The following CROCC variants were observed in gnomAD, a reference collection of about 807,000 sequenced individuals.
CROCC encodes rootletin.
In CROCC, 180 loss-of-function variants were observed where a neutral mutation model predicts 245.2. The observed-to-expected ratio is 0.73, with a 90% CI of 0.65 to 0.83. CROCC has a LOEUF of 0.83. Among genes scored for constraint, CROCC ranks in the 40% least tolerant of loss-of-function variants. The pLI is 0.00. For synonymous variants in CROCC, 1,205 were observed against 1,241.6 expected, an observed-to-expected ratio of 0.97 and a Z score of 0.62; for missense variants, 2,688 against 2,779.4, an observed-to-expected ratio of 0.97 and a Z score of 0.74.
chr1:16,962,735 TA>T (rs1369681320), intron 27 of CROCC, among the ~76,000 whole-genome samples: 50 of 147,406 alleles, frequency 3.4e-4, no homozygotes, highest in Admixed American at 5.4e-4. Flanking sequence ...TATATATGTA[TA>T]TTTTTTTTTT....
At position 16,931,332 on chromosome 1, in the gene CROCC, C is replaced by A; in HGVS notation, c.891C>A (p.Leu297=). The A allele has an allele frequency of 6.2e-7, 1 of 1,612,834 alleles. No individual in the cohort carries two copies. The highest frequency in any genetic ancestry group is 8.5e-7 in the Non-Finnish European group (1 of 1,179,138). The change falls in exon 8 of 37, where the codon CTC becomes CTA. Residue 297 remains leucine (L), a synonymous_variant. Coordinates refer to ENST00000375541, the MANE Select transcript of CROCC (RefSeq NM_014675.5). The part of the protein sequence containing the change: ...AYFSNEHSRL[L]LLWRQVVGFR... ...TCAGCAACGAGCACAGTCGCCTGCT[C>A]CTCCTCTGGAGGCAGGTGGTGGGGT...
upstream of CROCC, chr1:16,921,879 T>G: frequency 2.4e-6 from 2 of 821,602 alleles, no homozygotes; most frequent in Non-Finnish European, 4.0e-6. Flanking sequence ...CCCACCGCGG[T>G]GGTCACATGG....
rs773356264 is a variant in CROCC, at chr1:16,953,519, G to A, written c.3186+38G>A. The A allele has an allele frequency of 4.5e-6, 7 of 1,552,726 alleles. No homozygotes were observed. The African/African-American group carries it at 9.5e-5, about 21-fold the overall frequency. ...TGGCATGGCCTCTGCTGCTCTCTGA[G>A]CTGCTCCAGTTCTGGGGCCGGGCCC... On this transcript the variant is annotated intron_variant, in intron 21 of 36. Transcript: ENST00000375541.
intron 20 of CROCC, among the ~76,000 whole-genome samples, chr1:16,952,722 C>T (rs1313373151): frequency 6.6e-6 from 1 of 152,198 alleles, no homozygotes; most frequent in Non-Finnish European, 1.5e-5. Context: ...GTGTTCTCTC[C>T]AGCTCCTCTG....
At position 16,930,187 on chromosome 1, in the gene CROCC, C is replaced by G. The variant is rs1175914286; in HGVS notation, c.601C>G (p.Leu201Val). ...GCAGCTGCTGGAGAGATCCGGAGAG[C>G]TGGAGCAGCAGCGGCTGAGGGTGGG... Reference protein sequence around the residue: ...EQQLLERSGELEQQRLRDTEH... With the variant: ...EQQLLERSGEVEQQRLRDTEH... The change falls in exon 5 of 37, where the codon CTG (leucine) becomes GTG (valine). Residue 201 changes from leucine to valine, a missense_variant. By Grantham distance (32) the Leu-to-Val change is conservative. Around this residue, in one of 9 missense-constraint regions of CROCC, gnomAD observed 972 missense variants for 895.3 expected, o/e 1.09. Coordinates refer to ENST00000375541, the MANE Select transcript of CROCC (RefSeq NM_014675.5). 1.3e-6 allele frequency: 2 copies of G among 1,592,586 alleles called. No individual in the cohort carries two copies. Among genetic ancestry groups the G allele is most frequent in the East Asian group, 2.3e-5 (1 of 44,064 alleles).
In CROCC at chr1:16,970,694, G is replaced by A; in HGVS notation, c.5711G>A (p.Gly1904Asp). 6.2e-7 allele frequency: 1 copy of A among 1,603,756 alleles called. No individual in the cohort carries two copies. Among genetic ancestry groups the A allele is most frequent in the Non-Finnish European group, 8.5e-7 (1 of 1,175,564 alleles). ...EDTVRLSAEK[G>D]RLDRTLTGAE... ...ACAGTGCGGCTGAGCGCAGAGAAGG[G>A]CCGCCTGGACCGCACCCTCACGGGG... The change falls in exon 35 of 37, where the codon GGC becomes GAC. Residue 1904 changes from glycine to aspartate, a missense_variant. Coordinates refer to ENST00000375541, the MANE Select transcript of CROCC (RefSeq NM_014675.5).
At chr1:16,972,337 C>T (rs191118769) in intron 36 of CROCC, 23 bp from the exon 37 acceptor site, 5 of 1,609,846 alleles carry the variant, frequency 3.1e-6, no homozygotes, top group Non-Finnish European at 4.3e-6. Flanking sequence ...CCTGGCTGGC[C>T]TTACCTTCCC....
intron 1 of CROCC, among the ~76,000 whole-genome samples, chr1:16,922,299 G>A (rs1389049670): frequency 6.6e-6 from 1 of 152,272 alleles, no homozygotes; most frequent in African/African-American, 2.4e-5. Flanking sequence ...CCCTGGGTTG[G>A]GAGAAGGGGG....
At chr1:16,921,145 C>T (rs1444544857), upstream of CROCC, among the ~76,000 whole-genome samples, 2 of 152,288 alleles carry the variant, frequency 1.3e-5, no homozygotes, top group African/African-American at 2.4e-5. Flanking sequence ...TATGCACACA[C>T]GATACTGTTT....
Position 16,930,299 on chromosome 1 carries a change from G to C in CROCC, c.635G>C (p.Ser212Thr), listed in dbSNP as rs1243170944. The part of the protein sequence containing the change: ...EQQRLRDTEH[S>T]QDLESALIRL... ...TCTCCCACCCAGGACACAGAGCACAGCCAAGACCTGGAAAGCGCCCTCATC... is the reference window on the plus strand; with the variant it reads ...TCTCCCACCCAGGACACAGAGCACACCCAAGACCTGGAAAGCGCCCTCATC... The change falls in exon 6 of 37, where the codon AGC becomes ACC. Residue 212 changes from serine to threonine, a missense_variant. Ser to Thr is a moderately conservative substitution (Grantham distance 58, BLOSUM62 1). Coordinates refer to ENST00000375541, the MANE Select transcript of CROCC (RefSeq NM_014675.5). 3.1e-6 allele frequency: 5 copies of C among 1,606,110 alleles called. No individual in the cohort carries two copies. In the African/African-American group the frequency reaches 6.7e-5, roughly 21 times the overall value.
chr1:16,952,715 T>C (rs1392658855), intron 20 of CROCC, among the ~76,000 whole-genome samples: 2 of 152,058 alleles, frequency 1.3e-5, no homozygotes, highest in Non-Finnish European at 2.9e-5. Flanking sequence ...CAAATCTGTG[T>C]TCTCTCCAGC....
intron 8 of CROCC, among the ~76,000 whole-genome samples, chr1:16,931,954 A>G (rs1269414350): frequency 2.0e-5 from 3 of 150,964 alleles, no homozygotes; most frequent in Non-Finnish European, 4.4e-5. Context: ...TTTAGTAGAG[A>G]CGGGGTTTCA....
intron 2 of CROCC, among the ~76,000 whole-genome samples, chr1:16,923,188 G>A (rs1350985372): frequency 1.1e-4 from 16 of 152,264 alleles, no homozygotes; most frequent in East Asian, 1.9e-4. Flanking sequence ...CCGTCCATCC[G>A]TTTCCCACGT....
At position 16,946,344 on chromosome 1, in the gene CROCC, T is replaced by C. The variant is rs773012840; in HGVS notation, c.2222T>C (p.Leu741Pro). The C allele has an allele frequency of 2.5e-6, 4 of 1,613,368 alleles. No homozygotes were observed. The highest frequency in any genetic ancestry group is 3.4e-6 in the Non-Finnish European group (4 of 1,180,030). ...EASLQDSLSKLSALNESLAQD... is the reference protein window; with the variant it reads ...EASLQDSLSKPSALNESLAQD... The stretch of plus-strand genomic sequence containing the variant: ...TCCCTGCAGGACTCCCTGTCCAAGC[T>C]GAGCGCCCTCAACGAGAGCCTTGCT... Residue 741 changes from leucine (L) to proline (P), a missense_variant, in exon 16 of 37, where the codon CTG becomes CCG. Physicochemically the swap from Leu to Pro is moderately conservative, Grantham distance 98. This residue lies in a region of CROCC where 295 missense variants were observed against 241.7 expected (regional missense o/e 1.22). Coordinates refer to ENST00000375541, the MANE Select transcript of CROCC (RefSeq NM_014675.5).
chr1:16,954,856 G>A lies in CROCC; in HGVS notation c.3444G>A (p.Gln1148=). The change falls in exon 23 of 37, where the codon CAG becomes CAA. Residue 1148 remains glutamine, a synonymous_variant. Coordinates refer to ENST00000375541, the MANE Select transcript of CROCC (RefSeq NM_014675.5). This position sits in a 1 kb window ranked among gnomAD's most constrained non-coding sequence, Gnocchi z 4.4. The part of the protein sequence containing the change: ...LQEQARDLGK[Q]RDSCLREAEE... ...AGCAGGCCCGAGACCTGGGCAAGCA[G>A]CGGGACTCCTGTCTTCGCGAGGTGA... The A allele has an allele frequency of 1.9e-6, 3 of 1,540,216 alleles. No homozygotes were observed. The highest frequency in any genetic ancestry group is 2.6e-6 in the Non-Finnish European group (3 of 1,137,958).
intron 1 of CROCC, among the ~76,000 whole-genome samples, chr1:16,922,306 G>A (rs1218469242): frequency 1.3e-5 from 2 of 152,272 alleles, no homozygotes; most frequent in Admixed American, 6.5e-5. Context: ...TTGGGAGAAG[G>A]GGGTCTCTAC....
chr1:16,924,955 A>G (rs140669846), intron 3 of CROCC, among the ~76,000 whole-genome samples: 171 of 152,356 alleles, frequency 1.1e-3, no homozygotes, highest in African/African-American at 3.7e-3. Flanking sequence ...GCCACTGCCT[A>G]TTGGAATGAG....
At position 16,969,204 on chromosome 1, in the gene CROCC, G is replaced by A; in HGVS notation, c.5165G>A (p.Gly1722Glu). The A allele has an allele frequency of 6.2e-7, 1 of 1,610,658 alleles. No individual in the cohort carries two copies. ...CTGGCTAAGGTGGAGGAAAGCGAGG[G>A]GGCCCTGCGGGACAAGGTGCGGGGC... is the stretch of plus-strand genomic sequence containing the variant. ...GALAKVEESE[G>E]ALRDKVRGLT... The change falls in exon 32 of 37, where the codon GGG becomes GAG. Residue 1722 changes from glycine (G) to glutamate (E), a missense_variant. Physicochemically the swap from Gly to Glu is moderately conservative, Grantham distance 98. Coordinates refer to ENST00000375541, the MANE Select transcript of CROCC (RefSeq NM_014675.5).
chr1:16,948,419 C>T lies in CROCC; in HGVS notation c.2603C>T (p.Ala868Val). The change falls in exon 18 of 37, where the codon GCC becomes GTC. Residue 868 changes from alanine (A) to valine (V), a missense_variant. By Grantham distance (64) the Ala-to-Val change is moderately conservative. Coordinates refer to ENST00000375541, the MANE Select transcript of CROCC (RefSeq NM_014675.5). ...CAAGTGGAGGCGCTGGAGCGAGCGG[C>T]CCGTGAGAAGGAGGCGCTAGCCAAG... ...QRQVEALERA[A>V]REKEALAKEH... 1 of 1,572,572 alleles carries T rather than the reference C, an allele frequency of 6.4e-7. No individual in the cohort carries two copies.
Sources: gnomAD v4.1 joint callset for allele counts (sites outside exome capture counted in the v4.1 genomes callset) on GRCh38, gnomAD v4.1.1 for gene constraint, gnomAD v4.1.1 regional missense constraint, Gnocchi (gnomAD v3.1) non-coding constraint, MANE v1.5 for transcripts, NCBI Gene and HGNC (gene_info 2026-07-23, HGNC 2026-07-21) for gene names.